The following KLRG1 variants were observed in gnomAD, a reference collection of about 807,000 sequenced individuals.
The protein encoded by KLRG1 is killer cell lectin like receptor G1, also known as killer cell lectin-like receptor subfamily G member 1.
A neutral mutation model predicts 21.8 loss-of-function variants in KLRG1; 16 were observed. That is an observed-to-expected ratio of 0.73 (90% CI 0.50 to 1.11). The LOEUF is 1.11. KLRG1 is among the 50% of genes most tolerant of loss of function. The probability of loss-of-function intolerance (pLI) is 0.00; values close to 1 mark genes in which losing one functional copy is unlikely to be tolerated. For missense variants in KLRG1, 173 were observed against 218.3 expected (o/e 0.79, Z 1.31); for synonymous variants, 69 against 75.9 (o/e 0.91, Z 0.47).
intron 1 of KLRG1, chr12:8,971,268 G>C (rs1946562259): frequency 6.6e-6 from 1 of 151,878 alleles, no homozygotes; most frequent in South Asian, 2.1e-4. Context: ...TAGTGGTAAA[G>C]AGCTATTCAA....
At chr12:9,166,730 T>C in the KLRG1 span, among the ~76,000 whole-genome samples, 1 of 152,242 alleles carries the variant, frequency 6.6e-6, no homozygotes, top group Non-Finnish European at 1.5e-5. Flanking sequence ...GAGCATTAGA[T>C]TTTATTCCAC....
At chr12:9,106,414 C>G in the KLRG1 span, 26 of 1,433,092 alleles carry the variant, frequency 1.8e-5, 1 homozygote, top group East Asian at 2.3e-4. Flanking sequence ...TCACCTCCCC[C>G]CAACTTACAA....
At chr12:9,183,643 C>T in the KLRG1 span, among the ~76,000 whole-genome samples, 1 of 152,142 alleles carries the variant, frequency 6.6e-6, no homozygotes, top group Non-Finnish European at 1.5e-5. Flanking sequence ...TTCAAGCAAT[C>T]CTCCCAAAAT....
chr12:9,118,394 G>T, the KLRG1 span, among the ~76,000 whole-genome samples: 2 of 152,168 alleles, frequency 1.3e-5, no homozygotes, highest in Admixed American at 6.5e-5. Context: ...ACAGTTCTGC[G>T]CTTCCCCTTT....
the KLRG1 span, chr12:9,181,009 G>T: frequency 1.9e-6 from 3 of 1,613,830 alleles, no homozygotes; most frequent in South Asian, 1.1e-5. Flanking sequence ...TCAGCCTCAG[G>T]CTTCATGAGC....
the KLRG1 span, chr12:9,202,536 G>T: frequency 6.2e-7 from 1 of 1,614,056 alleles, no homozygotes; most frequent in Non-Finnish European, 8.5e-7. Context: ...TGTCTGTCCT[G>T]GTTTATACAT....
chr12:9,022,337 G>A, the KLRG1 span, among the ~76,000 whole-genome samples: 3 of 152,266 alleles, frequency 2.0e-5, no homozygotes, highest in Admixed American at 6.5e-5. Flanking sequence ...GGAATCACGA[G>A]GCAATAGAAA....
chr12:9,005,201 C>CG (rs1367350340), intron 3 of KLRG1, among the ~76,000 whole-genome samples: 3 of 115,534 alleles, frequency 2.6e-5, no homozygotes, highest in African/African-American at 6.6e-5. Flanking sequence ...CCGGGCCTGT[C>CG]GGGGGGTGGG....
the KLRG1 span, among the ~76,000 whole-genome samples, chr12:9,049,765 C>G: frequency 3.7e-4 from 56 of 152,304 alleles, no homozygotes; most frequent in African/African-American, 1.3e-3. Context: ...AAAGGGGCAT[C>G]TTGGAGCTTC....
the KLRG1 span, chr12:9,163,864 T>C: frequency 1.3e-6 from 2 of 1,484,988 alleles, no homozygotes; most frequent in South Asian, 2.6e-5. Context: ...CACCTTAAAC[T>C]TATAGTTGTC....
chr12:9,008,050 G>A (rs947071818), intron 3 of KLRG1, among the ~76,000 whole-genome samples: 1 of 152,102 alleles, frequency 6.6e-6, no homozygotes, highest in Non-Finnish European at 1.5e-5. Flanking sequence ...GTTGGGTAAC[G>A]TGGCACACAT....
At chr12:8,977,370 A>ATTTTTTT (rs1229287155) in intron 1 of KLRG1, among the ~76,000 whole-genome samples, 8 of 127,832 alleles carry the variant, frequency 6.3e-5, no homozygotes, top group Middle Eastern at 4.6e-3. Context: ...TGCCTGGCTA[A>ATTTTTTT]TTTTTTTTTT....
the KLRG1 span, among the ~76,000 whole-genome samples, chr12:9,085,565 C>G: frequency 6.6e-6 from 1 of 151,608 alleles, no homozygotes; most frequent in Non-Finnish European, 1.5e-5. Flanking sequence ...GAAAAATTTC[C>G]AATAAAGATA....
the KLRG1 span, among the ~76,000 whole-genome samples, chr12:9,051,479 A>G: frequency 5.3e-5 from 8 of 152,194 alleles, no homozygotes; most frequent in African/African-American, 1.7e-4. Context: ...CCAGGAGGCC[A>G]GCTGCGGAGA....
At chr12:9,202,782 C>T in the KLRG1 span, 8 of 1,178,290 alleles carry the variant, frequency 6.8e-6, no homozygotes, top group South Asian at 1.2e-4. Flanking sequence ...TTCAGCTTCA[C>T]CAAGGAGAAG....
chr12:9,020,699 T>C, the KLRG1 span, among the ~76,000 whole-genome samples: 2 of 152,244 alleles, frequency 1.3e-5, no homozygotes, highest in African/African-American at 2.4e-5. Flanking sequence ...AGCTTTTGGC[T>C]ATTAAAAATA....
the KLRG1 span, chr12:9,152,451 G>A: frequency 1.5e-6 from 1 of 658,700 alleles, no homozygotes; most frequent in Non-Finnish European, 2.7e-6. Flanking sequence ...CCCTGGACTT[G>A]TGCAACACTG....
chr12:9,018,694 G>A, the KLRG1 span, among the ~76,000 whole-genome samples: 276 of 135,134 alleles, frequency 2.0e-3, 2 homozygotes, highest in African/African-American at 6.7e-3. Flanking sequence ...AAAAAAAAAA[G>A]AAAGAAAGAA....
the KLRG1 span, chr12:9,095,674 G>A: frequency 1.2e-6 from 2 of 1,610,126 alleles, no homozygotes; most frequent in Non-Finnish European, 1.7e-6. Flanking sequence ...AGCCAGTGAG[G>A]TCCTTTTCTG....
Sources: gnomAD v4.1 joint callset for allele counts (sites outside exome capture counted in the v4.1 genomes callset) on GRCh38, gnomAD v4.1.1 for gene constraint, MANE v1.5 for transcripts, NCBI Gene and HGNC (gene_info 2026-07-23, HGNC 2026-07-21) for gene names.